Variants in JAZF1 observed in about 807,000 individuals in gnomAD.
JAZF1 encodes juxtaposed with another zinc finger protein 1.
In JAZF1, 8 loss-of-function variants were observed where a neutral mutation model predicts 26.4. The observed-to-expected ratio is 0.30, with a 90% CI of 0.18 to 0.55. The LOEUF (loss-of-function observed/expected upper bound fraction) is 0.55, where lower values mean the gene tolerates loss of function less well. JAZF1 is among the 20% of genes least tolerant of loss of function. JAZF1 has a pLI of 0.94. For synonymous variants in JAZF1, 126 were observed against 122.3 expected (o/e 1.03, Z -0.20); for missense variants, 199 against 322.0 (o/e 0.62, Z 2.92).
At chr7:28,100,430 T>A (rs961586966) in intron 1 of JAZF1, among the ~76,000 whole-genome samples, 1 of 151,930 alleles carries the variant, frequency 6.6e-6, no homozygotes, top group Non-Finnish European at 1.5e-5. Flanking sequence ...TATACATATA[T>A]ATATAATAAT....
intron 1 of JAZF1, among the ~76,000 whole-genome samples, chr7:28,131,702 T>C (rs1417323618): frequency 2.0e-5 from 3 of 152,188 alleles, no homozygotes; most frequent in Non-Finnish European, 4.4e-5. Context: ...CCCAGAGCAG[T>C]ATCCTACAAT....
At chr7:27,848,670 T>C (rs1436551426) in intron 3 of JAZF1, among the ~76,000 whole-genome samples, 1 of 152,196 alleles carries the variant, frequency 6.6e-6, no homozygotes, top group Non-Finnish European at 1.5e-5. Context: ...GCCACGGTTT[T>C]GAGGCCCTAT....
At chr7:27,864,188 A>G (rs908629998) in intron 3 of JAZF1, 3 of 152,256 alleles carry the variant, frequency 2.0e-5, no homozygotes, top group Non-Finnish European at 4.4e-5. Flanking sequence ...GGAAGAAGGA[A>G]GAATGTCACC....
chr7:27,971,444 C>T (rs1437190413), intron 2 of JAZF1, among the ~76,000 whole-genome samples: 1 of 152,168 alleles, frequency 6.6e-6, no homozygotes, highest in Non-Finnish European at 1.5e-5. Flanking sequence ...ACTGGGAACA[C>T]AGAGCTATTT....
intron 2 of JAZF1, among the ~76,000 whole-genome samples, chr7:27,941,961 G>A (rs771592298): frequency 3.3e-5 from 5 of 152,176 alleles, no homozygotes; most frequent in South Asian, 2.1e-4. Flanking sequence ...AATCAGATCC[G>A]AGTTCAAATT....
At chr7:28,019,461 G>T (rs1782965431) in intron 1 of JAZF1, among the ~76,000 whole-genome samples, 1 of 152,102 alleles carries the variant, frequency 6.6e-6, no homozygotes, top group African/African-American at 2.4e-5. Context: ...TCATTTGGTA[G>T]ATTTATTGAA....
At chr7:27,935,521 G>T (rs34269971) in intron 2 of JAZF1, among the ~76,000 whole-genome samples, 1 of 152,050 alleles carries the variant, frequency 6.6e-6, no homozygotes, top group Non-Finnish European at 1.5e-5. Flanking sequence ...AAGTAGATTA[G>T]TGGTTTCCAG....
At chr7:28,164,683 T>C (rs1251642782) in intron 1 of JAZF1, among the ~76,000 whole-genome samples, 1 of 152,160 alleles carries the variant, frequency 6.6e-6, no homozygotes, top group Non-Finnish European at 1.5e-5. Flanking sequence ...CTATACAATC[T>C]CCCTCAGTAC....
intron 1 of JAZF1, among the ~76,000 whole-genome samples, chr7:28,049,244 G>A (rs920449101): frequency 2.0e-5 from 3 of 151,412 alleles, no homozygotes; most frequent in African/African-American, 7.3e-5. Flanking sequence ...CACCACAGCT[G>A]GCTAATTTTT....
At chr7:28,153,428 T>C (rs1009378391) in intron 1 of JAZF1, among the ~76,000 whole-genome samples, 2 of 152,198 alleles carry the variant, frequency 1.3e-5, no homozygotes, top group African/African-American at 2.4e-5. Context: ...GAAATTTTCA[T>C]TAATAACCAG....
rs372434349 is a variant in JAZF1 at position 28,046,437 on chromosome 7, T to C, written c.116-54456A>G. 1.8e-4 allele frequency among the ~76,000 whole-genome samples: 27 copies of C among 152,342 alleles called. 1 individual carries two copies. In the South Asian group the frequency reaches 5.6e-3, roughly 32 times the overall value. ...TATAATGAATACTCCAAATTTTATT[T>C]AATCTGTTCCCTTACTAGGGGACAT... is the stretch of plus-strand genomic sequence containing the variant. On this transcript the variant is annotated intron_variant, in intron 1 of 4. Coordinates refer to ENST00000283928, the MANE Select transcript of JAZF1 (RefSeq NM_175061.4).
Position 27,841,082 on chromosome 7 carries a change from G to T in JAZF1, c.386-215C>A. 5.9e-6 allele frequency: 3 copies of T among 504,704 alleles called. No homozygotes were observed. In the South Asian group the frequency reaches 9.1e-5, roughly 15 times the overall value. 31.3% of individuals were successfully genotyped at this position (504,704 alleles called of 1,614,324 possible). A position where few individuals can be genotyped will look rare whatever the true frequency, so the allele number is the denominator to read the frequency against. On this transcript the variant is annotated intron_variant, in intron 3 of 4. Coordinates refer to ENST00000283928, the MANE Select transcript of JAZF1 (RefSeq NM_175061.4). ...TTCCCACCTAAGAGACCAGGGCAAG[G>T]GCTTCCCAACAATTCACAGCTAGGA...
intron 1 of JAZF1, among the ~76,000 whole-genome samples, chr7:28,010,946 C>T (rs748792126): frequency 2.0e-5 from 3 of 152,204 alleles, no homozygotes; most frequent in Non-Finnish European, 2.9e-5. Flanking sequence ...CATGTAGCTG[C>T]TGGGATCCAG....
intron 1 of JAZF1, among the ~76,000 whole-genome samples, chr7:28,003,502 T>C (rs1044336960): frequency 2.6e-5 from 4 of 152,226 alleles, no homozygotes; most frequent in African/African-American, 9.6e-5. Flanking sequence ...ACAGTAACCT[T>C]TGAAGCTGTC....
intron 1 of JAZF1, among the ~76,000 whole-genome samples, chr7:28,112,273 G>C (rs1257511438): frequency 1.3e-5 from 2 of 152,292 alleles, no homozygotes; most frequent in Middle Eastern, 6.8e-3. Flanking sequence ...ATGGAGGCCA[G>C]TTTCATTAGT....
intron 2 of JAZF1, among the ~76,000 whole-genome samples, chr7:27,910,029 T>C (rs146233089): frequency 0.01 from 1,553 of 152,326 alleles, 31 homozygotes; most frequent in African/African-American, 0.036. Flanking sequence ...TGCCAAATGC[T>C]TGCAAAGGAG....
chr7:28,020,404 G>A (rs2128372655), intron 1 of JAZF1: 1 of 349,488 alleles, frequency 2.9e-6, no homozygotes, highest in South Asian at 2.2e-5. Flanking sequence ...AATGCAGCCT[G>A]TGGGGTAACA....
intron 3 of JAZF1, among the ~76,000 whole-genome samples, chr7:27,848,580 C>T (rs895188830): frequency 6.6e-5 from 10 of 152,104 alleles, no homozygotes; most frequent in Non-Finnish European, 8.8e-5. Context: ...TGGGTGAGTG[C>T]GACAGTAGGG....
intron 1 of JAZF1, among the ~76,000 whole-genome samples, chr7:28,091,017 G>A (rs1203333511): frequency 2.0e-5 from 3 of 151,004 alleles, no homozygotes; most frequent in Non-Finnish European, 3.0e-5. Flanking sequence ...TAGTAGAGAC[G>A]GGGTTTCACC....
Sources: allele counts gnomAD v4.1 joint callset (sites outside exome capture counted in the v4.1 genomes callset), GRCh38; gene constraint gnomAD v4.1.1; transcripts MANE v1.5; gene names NCBI Gene and HGNC (gene_info 2026-07-23, HGNC 2026-07-21).